The following COCH variants were observed in gnomAD, a reference collection of about 807,000 sequenced individuals.
COCH encodes coagulation factor C homolog, cochlin (Limulus polyphemus).
In COCH, 40 loss-of-function variants were observed where a neutral mutation model predicts 54.8. That is an observed-to-expected ratio of 0.73 (90% CI 0.57 to 0.95). The LOEUF is 0.95. Among genes scored for constraint, COCH ranks in the 40% least tolerant of loss-of-function variants. The probability of loss-of-function intolerance (pLI) is 0.00; values close to 1 mark genes in which losing one functional copy is unlikely to be tolerated. For synonymous variants in COCH, 256 were observed against 237.9 expected (o/e 1.08, Z -0.70); for missense variants, 605 against 675.0 (o/e 0.90, Z 1.15).
intron 8 of COCH, among the ~76,000 whole-genome samples, chr14:30,881,457 A>G (rs1895584025): frequency 6.6e-6 from 1 of 152,134 alleles, no homozygotes; most frequent in Non-Finnish European, 1.5e-5. Context: ...CTATATAAGA[A>G]CCAGAAGGTA....
In COCH at chr14:30,890,544, A is replaced by T; in HGVS notation, c.*753A>T. ...TGCTTATAAACATTTAAAGACAAAG[A>T]CATTTCAAATAACTGCAGAAAAAAT... On this transcript the variant is annotated 3_prime_UTR_variant, in exon 12 of 12. Coordinates refer to ENST00000396618, the MANE Select transcript of COCH (RefSeq NM_004086.3). 1 of 948,052 alleles carries T rather than the reference A, an allele frequency of 1.1e-6. No individual in the cohort carries two copies. Among genetic ancestry groups the T allele is most frequent in the Non-Finnish European group, 1.3e-6 (1 of 795,562 alleles). The allele number at this position is 948,052 out of a possible 1,614,324, so 58.7% of individuals were successfully genotyped here. A position where few individuals can be genotyped will look rare whatever the true frequency, so the allele number is the denominator to read the frequency against.
chr14:30,895,318 A>G, downstream of COCH: 1 of 1,318,582 alleles, frequency 7.6e-7, no homozygotes, highest in Non-Finnish European at 1.0e-6. Flanking sequence ...GGCAGATCAC[A>G]TGTAGTGTCA....
At position 30,885,998 on chromosome 14, in the gene COCH, A is replaced by G. The variant is rs1703098416; in HGVS notation, c.1163A>G (p.Glu388Gly). The G allele has an allele frequency of 1.2e-6, 2 of 1,614,218 alleles. No homozygotes were observed. Among genetic ancestry groups the G allele is most frequent in the Non-Finnish European group, 8.5e-7 (1 of 1,180,030 alleles). ...GATAGCAATTTCCGCCTCATGCTTG[A>G]ATTTGTTTCCAACATAGCCAAGACT... ...VGDSNFRLMLEFVSNIAKTFE... is the reference protein window; with the variant it reads ...VGDSNFRLMLGFVSNIAKTFE... Residue 388 changes from glutamate (E) to glycine (G), a missense_variant, in exon 11 of 12, where the codon GAA becomes GGA. Coordinates refer to ENST00000396618, the MANE Select transcript of COCH (RefSeq NM_004086.3).
intron 3 of COCH, 80 bp downstream of exon 3, chr14:30,875,183 C>T (rs1002850578): frequency 4.6e-6 from 7 of 1,528,506 alleles, no homozygotes; most frequent in Non-Finnish European, 6.2e-6. Flanking sequence ...CAGATCCAGC[C>T]CCTTGGGCTT....
intron 8 of COCH, among the ~76,000 whole-genome samples, chr14:30,881,802 CA>C (rs74318936): frequency 0.21 from 30,951 of 144,528 alleles, 3,311 homozygotes; most frequent in Middle Eastern, 0.3. Flanking sequence ...ACTAAAAATA[CA>C]AAAAAAAAAA....
chr14:30,874,753 G>A, intron 1 of COCH, 162 bp downstream of exon 1: 1 of 677,626 alleles, frequency 1.5e-6, no homozygotes, highest in African/African-American at 1.8e-5. Context: ...TTGCCGCCGA[G>A]GCGCCTCCCA....
At position 30,886,229 on chromosome 14, in the gene COCH, C is replaced by A; in HGVS notation, c.1394C>A (p.Pro465His). ...GTGTTTGGCCCTATAAGGGAGAGCC[C>A]CAACAAGAACTTCCTAGTAATTGTC... ...RNVFGPIRES[P>H]NKNFLVIVTD... Residue 465 changes from proline (P) to histidine (H), a missense_variant, in exon 11 of 12, where the codon CCC becomes CAC. Pro to His is a moderately conservative substitution (Grantham distance 77). Transcript: ENST00000396618. The A allele has an allele frequency of 6.2e-7, 1 of 1,612,938 alleles. No homozygotes were observed. Among genetic ancestry groups the A allele is most frequent in the Non-Finnish European group, 8.5e-7 (1 of 1,179,572 alleles).
rs577111352 is a variant in COCH at position 30,882,793 on chromosome 14, G to A, written c.630-1760G>A. Among the ~76,000 whole-genome samples, 5 of 152,130 alleles carry A rather than the reference G, an allele frequency of 3.3e-5. No homozygotes were observed. In the South Asian group the frequency reaches 1.0e-3, roughly 32 times the overall value. On this transcript the variant is annotated intron_variant, in intron 8 of 11. Coordinates refer to ENST00000396618, the MANE Select transcript of COCH (RefSeq NM_004086.3). ...AGTGCCAGCTGCTCAGGAGGCTGAG[G>A]TGTGAGGATCTCTCAAGCCCAGGAG...
At chr14:30,892,171 C>A (rs890305018), downstream of COCH, among the ~76,000 whole-genome samples, 1 of 152,126 alleles carries the variant, frequency 6.6e-6, no homozygotes, top group Non-Finnish European at 1.5e-5. Flanking sequence ...GAAAATAAGA[C>A]ATTATTTTTG....
At position 30,886,287 on chromosome 14, in the gene COCH, C is replaced by A. The variant is rs1488658979; in HGVS notation, c.1452C>A (p.Gly484=). Reference sequence around the variant, plus strand: ...GGCAGTCCTATGATGATGTCCAAGGCCCTGCAGCTGCTGCACATGATGCAG... The same window carrying A: ...GGCAGTCCTATGATGATGTCCAAGGACCTGCAGCTGCTGCACATGATGCAG... ...TDGQSYDDVQ[G]PAAAAHDAGI... is the part of the protein sequence containing the mutation. Residue 484 remains glycine (G), a synonymous_variant, in exon 11 of 12, where the codon GGC becomes GGA. Coordinates refer to ENST00000396618, the MANE Select transcript of COCH (RefSeq NM_004086.3). The A allele has an allele frequency of 1.2e-6, 2 of 1,614,126 alleles. No individual in the cohort carries two copies. Among genetic ancestry groups the A allele is most frequent in the Non-Finnish European group, 1.7e-6 (2 of 1,180,008 alleles).
chr14:30,879,562 A>C, intron 6 of COCH, 77 bp downstream of exon 6: 1 of 1,466,038 alleles, frequency 6.8e-7, no homozygotes, highest in Non-Finnish European at 9.6e-7. Flanking sequence ...TGTTGGTAGA[A>C]GCTTTTCTTA....
chr14:30,895,377 A>G (rs1242336124), downstream of COCH: 11 of 1,569,744 alleles, frequency 7.0e-6, no homozygotes, highest in South Asian at 9.4e-5. Flanking sequence ...TTTCTGTCCA[A>G]GCAAATCTTG....
At chr14:30,894,837 T>A (rs1266927704), downstream of COCH, 12 of 491,964 alleles carry the variant, frequency 2.4e-5, no homozygotes, top group Non-Finnish European at 3.3e-5. Flanking sequence ...ACTAGAATTT[T>A]ATCCAAACAT....
At chr14:30,881,161 GC>G (rs1182029885) in intron 8 of COCH, among the ~76,000 whole-genome samples, 1 of 147,676 alleles carries the variant, frequency 6.8e-6, no homozygotes. Context: ...GTTACAATGA[GC>G]CGAGATTGCA....
chr14:30,892,901 T>G (rs939987640), downstream of COCH, among the ~76,000 whole-genome samples: 5 of 152,046 alleles, frequency 3.3e-5, no homozygotes, highest in Admixed American at 3.3e-4. Context: ...ATGACAAAAT[T>G]TCTCAGTGTA....
At position 30,886,306 on chromosome 14, in the gene COCH, G is replaced by A; in HGVS notation, c.1471G>A (p.Asp491Asn). 1.2e-6 allele frequency: 2 copies of A among 1,614,116 alleles called. No homozygotes were observed. The highest frequency in any genetic ancestry group is 1.7e-6 in the Non-Finnish European group (2 of 1,180,010). ...DVQGPAAAAH[D>N]AGITIFSVGV... ...CCAAGGCCCTGCAGCTGCTGCACAT[G>A]ATGCAGGTAAGGTCCTTGTTCTTTA... is the stretch of plus-strand genomic sequence containing the variant. The change falls in exon 11 of 12, where the codon GAT becomes AAT. Residue 491 changes from aspartate (D) to asparagine (N), a missense_variant. Asp to Asn is a conservative substitution (Grantham distance 23). Coordinates refer to ENST00000396618, the MANE Select transcript of COCH (RefSeq NM_004086.3).
Position 30,875,037 on chromosome 14 carries a change from C to T in COCH, c.35-19C>T. On this transcript the variant is annotated intron_variant, in intron 2 of 11. Transcript: ENST00000396618. ...CTGGGTGGAGGCTGGAGCCAGCCCT[C>T]ACGCTTCTCTCTTCGCAGGTGTGTG... The T allele has an allele frequency of 1.9e-6, 3 of 1,612,516 alleles. No homozygotes were observed. In the East Asian group the frequency reaches 6.7e-5, roughly 36 times the overall value.
At position 30,874,862 on chromosome 14, in the gene COCH, G is replaced by T; in HGVS notation, c.-23-54G>T. 6 of 1,547,050 alleles carry T rather than the reference G, an allele frequency of 3.9e-6. No homozygotes were observed. The Middle Eastern group carries it at 1.0e-3, about 261-fold the overall frequency. On this transcript the variant is annotated intron_variant, in intron 1 of 11. Coordinates refer to ENST00000396618, the MANE Select transcript of COCH (RefSeq NM_004086.3). ...GAAGGGTGCGGGGCTCTGAGGAGGT[G>T]ACGCGCGGGGCCTCCCGCACCCTGG...
downstream of COCH, chr14:30,894,614 G>A (rs1463782695): frequency 6.5e-6 from 1 of 154,970 alleles, no homozygotes. Flanking sequence ...ATAGTCCTTG[G>A]TTTATGAAGA....
Sources: allele counts gnomAD v4.1 joint callset (sites outside exome capture counted in the v4.1 genomes callset), GRCh38; gene constraint gnomAD v4.1.1; transcripts MANE v1.5; gene names NCBI Gene and HGNC (gene_info 2026-07-23, HGNC 2026-07-21).